Variants in TXLNA observed in about 807,000 individuals in gnomAD.
The protein encoded by TXLNA is alpha-taxilin.
A neutral mutation model predicts 61.4 loss-of-function variants in TXLNA; 9 were observed. The ratio of observed to expected loss-of-function variants is 0.15; its 90% CI spans 0.09 to 0.26. The LOEUF (loss-of-function observed/expected upper bound fraction) is 0.26. TXLNA is among the 10% of genes least tolerant of loss of function. TXLNA has a pLI of 1.00. For synonymous variants in TXLNA, 257 were observed against 267.7 expected, an observed-to-expected ratio of 0.96 and a Z score of 0.39; for missense variants, 565 against 688.8, an observed-to-expected ratio of 0.82 and a Z score of 2.01.
chr1:32,192,642 C>A lies in TXLNA; in HGVS notation c.1084-15C>A. Reference sequence around the variant, plus strand: ...GGGGCTTCTGACAGGATCTGGGGTTCTGTCTTGGAAATAGCTCCTGAAAGA... The same window carrying A: ...GGGGCTTCTGACAGGATCTGGGGTTATGTCTTGGAAATAGCTCCTGAAAGA... On this transcript the variant is annotated splice_polypyrimidine_tract_variant and intron_variant, in intron 7 of 10. Coordinates refer to ENST00000373610, the MANE Select transcript of TXLNA (RefSeq NM_175852.4). The surrounding 1 kb of genome is among the most constrained non-coding windows in gnomAD (Gnocchi z 4.2). 6.2e-7 allele frequency: 1 copy of A among 1,614,120 alleles called. No homozygotes were observed. The highest frequency in any genetic ancestry group is 1.1e-5 in the South Asian group (1 of 91,070).
In TXLNA at chr1:32,192,742, A is replaced by G. The variant is rs199715723; in HGVS notation, c.1158+11A>G. 447 of 1,613,692 alleles carry G rather than the reference A, an allele frequency of 2.8e-4. No individual in the cohort carries two copies. Among genetic ancestry groups the G allele is most frequent in the Non-Finnish European group, 3.5e-4 (412 of 1,179,692 alleles). On this transcript the variant is annotated intron_variant, in intron 8 of 10. Coordinates refer to ENST00000373610, the MANE Select transcript of TXLNA (RefSeq NM_175852.4). The surrounding 1 kb of genome is among the most constrained non-coding windows in gnomAD (Gnocchi z 4.2). ...CACCTGAAGCAACAGGTGAGAGCAT[A>G]TAACCTGACCCTGTGCCTTCAAGTT... is the stretch of plus-strand genomic sequence containing the variant.
At chr1:32,193,984 C>T (rs1642960938) in intron 9 of TXLNA, 81 bp from the exon 10 acceptor site, 2 of 1,132,828 alleles carry the variant, frequency 1.8e-6, no homozygotes, top group African/African-American at 3.1e-5. Flanking sequence ...CTTGGAGACA[C>T]AGGTGCAGTC....
chr1:32,187,765 G>A (rs1042307255), intron 4 of TXLNA, among the ~76,000 whole-genome samples, 189 bp from the exon 5 acceptor site: 1 of 152,136 alleles, frequency 6.6e-6, no homozygotes, highest in Non-Finnish European at 1.5e-5. Flanking sequence ...CTACGGTGGA[G>A]CCTTTGGGGT....
rs1642622035 is a variant in TXLNA, at chr1:32,180,181, C to T, written c.-32-133C>T. 4.3e-6 allele frequency: 4 copies of T among 925,074 alleles called. No homozygotes were observed. The Admixed American group carries it at 1.3e-4, about 31-fold the overall frequency. The allele number at this position is 925,074 out of a possible 1,614,324, so 57.3% of individuals were successfully genotyped here. On this transcript the variant is annotated intron_variant, in intron 1 of 10. Transcript: ENST00000373610. ...TCCTGACCCGCCAAGACCAGAGAGC[C>T]GTTGGCGCCCTCCGCCCGGGCCTGC...
chr1:32,191,093 CAAAA>C lies in TXLNA; in HGVS notation c.963+861_963+864del, dbSNP rs1159645218. On this transcript the variant is annotated intron_variant, in intron 6 of 10. Transcript: ENST00000373610. ...TGGGTGATATACCGAGACTCCATCT[CAAAA>C]AAAAAAAAAAAAAAAAGCAGGATGT... Among the ~76,000 whole-genome samples, 33 of 58,690 alleles carry C rather than the reference CAAAA, an allele frequency of 5.6e-4. 1 individual carries two copies. In the East Asian group the frequency reaches 0.014, roughly 25 times the overall value. The allele number at this position is 58,690 out of a possible 152,430, so 38.5% of individuals were successfully genotyped here. A position where few individuals can be genotyped will look rare whatever the true frequency, so the allele number is the denominator to read the frequency against.
At position 32,197,479 on chromosome 1, in the gene TXLNA, TA is replaced by T. The variant is rs1272030913; in HGVS notation, c.*2285del. The T allele has an allele frequency of 1.3e-5, 2 of 152,320 alleles. No homozygotes were observed. Among genetic ancestry groups the T allele is most frequent in the Non-Finnish European group, 2.9e-5 (2 of 68,094 alleles). The allele number at this position is 152,320 out of a possible 1,614,324, so 9.4% of individuals were successfully genotyped here. ...AGGCCAGTCTGCAGATGAGGTTCCC[TA>T]CCTTTTTCTTCTCTTCATTGACCAA... On this transcript the variant is annotated 3_prime_UTR_variant, in exon 11 of 11. Transcript: ENST00000373610. This position sits in a 1 kb window ranked among gnomAD's most constrained non-coding sequence, Gnocchi z 4.6.
In TXLNA at chr1:32,187,727, GC is replaced by G. The variant is rs552228595; in HGVS notation, c.598-224del. Among the ~76,000 whole-genome samples the G allele has an allele frequency of 4.6e-5, 7 of 152,296 alleles. No homozygotes were observed. The East Asian group carries it at 1.2e-3, about 25-fold the overall frequency. On this transcript the variant is annotated intron_variant, in intron 4 of 10. Coordinates refer to ENST00000373610, the MANE Select transcript of TXLNA (RefSeq NM_175852.4). ...TCTGCTGGCTGTGTGGCCCCTGCTT[GC>G]CCTAGTGAGTTACCATTTCTCTGTC... is the stretch of plus-strand genomic sequence containing the variant.
chr1:32,188,339 A>AT (rs1323627306), intron 5 of TXLNA, among the ~76,000 whole-genome samples: 2 of 152,236 alleles, frequency 1.3e-5, no homozygotes, highest in Non-Finnish European at 2.9e-5. Flanking sequence ...TCAACATGAA[A>AT]TCAGTGTAAA....
At chr1:32,191,208 C>A (rs1185977416) in intron 6 of TXLNA, among the ~76,000 whole-genome samples, 7 of 152,034 alleles carry the variant, frequency 4.6e-5, no homozygotes, top group African/African-American at 1.4e-4. Context: ...GTTCTGGGCG[C>A]GTTCTCATCA....
At chr1:32,187,065 T>C (rs1345056838) in intron 4 of TXLNA, among the ~76,000 whole-genome samples, 1 of 151,958 alleles carries the variant, frequency 6.6e-6, no homozygotes, top group Non-Finnish European at 1.5e-5. Flanking sequence ...AACTGGCTAC[T>C]TTTTTGTATT....
At chr1:32,181,704 A>G in intron 3 of TXLNA, 127 bp downstream of exon 3, 1 of 939,552 alleles carries the variant, frequency 1.1e-6, no homozygotes, top group Non-Finnish European at 1.6e-6. Flanking sequence ...AAGTCACTCT[A>G]GTCTAATCAA....
Position 32,184,473 on chromosome 1 carries a change from G to T in TXLNA, c.506-52G>T. The T allele has an allele frequency of 6.4e-6, 8 of 1,244,256 alleles. No homozygotes were observed. The South Asian group carries it at 9.8e-5, about 15-fold the overall frequency. The allele number at this position is 1,244,256 out of a possible 1,614,324, so 77.1% of individuals were successfully genotyped here. The stretch of plus-strand genomic sequence containing the variant: ...CACTCATGAGTGTGAGCCCAGGCCT[G>T]GAGGGGACACCTGGAGAAGAGGGTG... On this transcript the variant is annotated intron_variant, in intron 3 of 10. Transcript: ENST00000373610.
intron 4 of TXLNA, among the ~76,000 whole-genome samples, chr1:32,185,499 T>C (rs1461977434): frequency 4.0e-5 from 6 of 151,360 alleles, no homozygotes; most frequent in Non-Finnish European, 7.4e-5. Flanking sequence ...TTCATGCCAT[T>C]CTCCTGCCTC....
In TXLNA at chr1:32,194,562, A is replaced by G. The variant is rs1642973417; in HGVS notation, c.1348-340A>G. On this transcript the variant is annotated intron_variant, in intron 10 of 10. Coordinates refer to ENST00000373610, the MANE Select transcript of TXLNA (RefSeq NM_175852.4). The stretch of plus-strand genomic sequence containing the variant: ...TTTTTTTTGTCTTTTTTGCTGCTGA[A>G]TGTTTTTAGGTACGTTGTTCATTGA... Among the ~76,000 whole-genome samples the G allele has an allele frequency of 3.3e-5, 5 of 152,146 alleles. 1 individual carries two copies. Among genetic ancestry groups the G allele is most frequent in the Admixed American group, 3.3e-4 (5 of 15,274 alleles).
intron 3 of TXLNA, among the ~76,000 whole-genome samples, chr1:32,182,274 G>A (rs1642680597): frequency 6.6e-6 from 1 of 152,102 alleles, no homozygotes; most frequent in African/African-American, 2.4e-5. Context: ...GATCTCTTGG[G>A]CCCTTCTGGG....
At chr1:32,186,504 G>A (rs962326411) in intron 4 of TXLNA, among the ~76,000 whole-genome samples, 5 of 152,212 alleles carry the variant, frequency 3.3e-5, no homozygotes, top group African/African-American at 9.7e-5. Context: ...TTCAAGTAGG[G>A]TTGTTATAGT....
Position 32,192,612 on chromosome 1 carries a change from C to T in TXLNA, c.1084-45C>T, listed in dbSNP as rs1217479338. 1 of 1,611,476 alleles carries T rather than the reference C, an allele frequency of 6.2e-7. No individual in the cohort carries two copies. The highest frequency in any genetic ancestry group is 1.7e-5 in the Admixed American group (1 of 59,992). On this transcript the variant is annotated intron_variant, in intron 7 of 10. Coordinates refer to ENST00000373610, the MANE Select transcript of TXLNA (RefSeq NM_175852.4). This position sits in a 1 kb window ranked among gnomAD's most constrained non-coding sequence, Gnocchi z 4.2. ...CTTGTGGCTAAAAACCAAACATAGC[C>T]CCTGGGGGCTTCTGACAGGATCTGG...
intron 3 of TXLNA, among the ~76,000 whole-genome samples, chr1:32,183,998 A>G (rs1223227816): frequency 6.6e-6 from 1 of 152,156 alleles, no homozygotes; most frequent in African/African-American, 2.4e-5. Context: ...CGGCCTCCCA[A>G]AGTGCTGGGA....
At position 32,180,523 on chromosome 1, in the gene TXLNA, C is replaced by T; in HGVS notation, c.169+9C>T. On this transcript the variant is annotated intron_variant, in intron 2 of 10. Coordinates refer to ENST00000373610, the MANE Select transcript of TXLNA (RefSeq NM_175852.4). The stretch of plus-strand genomic sequence containing the variant: ...TCCTCGGAAGCCGGAGGGTGTGTGC[C>T]AGCTCTGCGTTGCCAGCGGGCAGGG... 1 of 1,589,932 alleles carries T rather than the reference C, an allele frequency of 6.3e-7. No homozygotes were observed. Among genetic ancestry groups the T allele is most frequent in the Non-Finnish European group, 8.6e-7 (1 of 1,168,762 alleles).
Sources: allele counts gnomAD v4.1 joint callset (sites outside exome capture counted in the v4.1 genomes callset), GRCh38; gene constraint gnomAD v4.1.1; non-coding constraint Gnocchi (gnomAD v3.1); transcripts MANE v1.5; gene names NCBI Gene and HGNC (gene_info 2026-07-23, HGNC 2026-07-21).